Variants in PEBP4 observed in about 807,000 individuals in gnomAD.
PEBP4 encodes phosphatidylethanolamine binding protein 4.
A neutral mutation model predicts 23.9 loss-of-function variants in PEBP4; 22 were observed. That is an observed-to-expected ratio of 0.92 (90% CI 0.66 to 1.31). The LOEUF (loss-of-function observed/expected upper bound fraction) is 1.31. PEBP4 is among the 40% of genes most tolerant of loss of function. PEBP4 has a pLI of 0.00. For synonymous variants in PEBP4, 112 were observed against 99.3 expected (o/e 1.13, Z -0.76); for missense variants, 324 against 281.7 (o/e 1.15, Z -1.07).
chr8:22,801,138 G>A (rs1183026950), intron 4 of PEBP4, among the ~76,000 whole-genome samples: 5 of 152,148 alleles, frequency 3.3e-5, no homozygotes, highest in East Asian at 3.9e-4. Context: ...GCTGGGGAAC[G>A]ATTAACCCTG....
chr8:22,759,353 C>CTT (rs140035968), intron 4 of PEBP4, among the ~76,000 whole-genome samples: 14 of 146,186 alleles, frequency 9.6e-5, no homozygotes, highest in African/African-American at 1.0e-4. Context: ...GAAGGACAGC[C>CTT]TTTTTTTTTT....
At chr8:22,732,088 A>G (rs1162217651) in intron 4 of PEBP4, among the ~76,000 whole-genome samples, 1 of 152,116 alleles carries the variant, frequency 6.6e-6, no homozygotes, top group East Asian at 1.9e-4. Flanking sequence ...TGGGTTTTTC[A>G]GGAGAGCAGA....
upstream of PEBP4, among the ~76,000 whole-genome samples, chr8:22,928,341 AGGCCAGCTCCGAAG>A (rs535127710): frequency 4.5e-3 from 691 of 152,240 alleles, 3 homozygotes; most frequent in African/African-American, 0.016. Context: ...CCCCAGACCG[AGGCCAGCTCCGAAG>A]GGCCAGCTCC....
At chr8:22,806,155 T>A (rs536793068) in intron 4 of PEBP4, among the ~76,000 whole-genome samples, 9 of 152,212 alleles carry the variant, frequency 5.9e-5, no homozygotes, top group Non-Finnish European at 1.0e-4. Context: ...GTGCAACTGA[T>A]TTAGAACCTA....
intron 4 of PEBP4, among the ~76,000 whole-genome samples, chr8:22,805,211 C>T (rs1044118502): frequency 3.9e-5 from 6 of 152,184 alleles, no homozygotes; most frequent in Non-Finnish European, 8.8e-5. Context: ...GGATACACGT[C>T]GTGATGCATT....
At chr8:22,808,509 G>A (rs1262034039) in intron 4 of PEBP4, among the ~76,000 whole-genome samples, 1 of 152,226 alleles carries the variant, frequency 6.6e-6, no homozygotes, top group Non-Finnish European at 1.5e-5. Context: ...AGAGGGAAAA[G>A]AGACTCATAA....
At chr8:22,856,578 G>A (rs1048056720) in intron 3 of PEBP4, among the ~76,000 whole-genome samples, 32 of 152,270 alleles carry the variant, frequency 2.1e-4, no homozygotes, top group East Asian at 7.7e-4. Context: ...GTAGCCAGGC[G>A]TAGTGGTGCA....
At chr8:22,792,109 C>T (rs9314257) in intron 4 of PEBP4, among the ~76,000 whole-genome samples, 92,274 of 151,342 alleles carry the variant, frequency 0.61, 28,326 homozygotes, top group African/African-American at 0.65. Flanking sequence ...TCCACCTGCC[C>T]CAGCCTCCCA....
rs547209329 is a variant in PEBP4 at position 22,915,281 on chromosome 8, T to C, written c.258+4903A>G. Among the ~76,000 whole-genome samples the C allele has an allele frequency of 2.0e-5, 3 of 152,012 alleles. No individual in the cohort carries two copies. In the East Asian group the frequency reaches 5.8e-4, roughly 29 times the overall value. On this transcript the variant is annotated intron_variant, in intron 3 of 6. Coordinates refer to ENST00000256404, the MANE Select transcript of PEBP4 (RefSeq NM_144962.3). ...ACCAGCCTAAAAATCAAATGGTGAC[T>C]CTCCTCCCCCAGCCACCAGCCAAAC... is the stretch of plus-strand genomic sequence containing the variant.
At chr8:22,767,589 A>G (rs892518945) in intron 4 of PEBP4, among the ~76,000 whole-genome samples, 1 of 151,952 alleles carries the variant, frequency 6.6e-6, no homozygotes, top group Non-Finnish European at 1.5e-5. Flanking sequence ...TAAGAGTCCA[A>G]ATAATCTCAC....
chr8:22,839,479 T>G (rs528363179), intron 3 of PEBP4, among the ~76,000 whole-genome samples: 1 of 152,296 alleles, frequency 6.6e-6, no homozygotes. Context: ...ATTCTCCACA[T>G]GCAAAATGGG....
chr8:22,803,896 C>T (rs918408382), intron 4 of PEBP4, among the ~76,000 whole-genome samples: 2 of 152,188 alleles, frequency 1.3e-5, no homozygotes, highest in Non-Finnish European at 2.9e-5. Context: ...AACCTCACAA[C>T]GGGTTCTGAG....
intron 3 of PEBP4, among the ~76,000 whole-genome samples, chr8:22,822,335 A>C (rs1806876385): frequency 7.1e-6 from 1 of 140,790 alleles, no homozygotes; most frequent in Admixed American, 7.7e-5. Context: ...AGTAGGTGAA[A>C]AGAAGGAATA....
At chr8:22,908,833 T>A (rs930866274) in intron 3 of PEBP4, among the ~76,000 whole-genome samples, 1 of 152,236 alleles carries the variant, frequency 6.6e-6, no homozygotes, top group Non-Finnish European at 1.5e-5. Flanking sequence ...GCACGCTCAG[T>A]GCTGGGCCTT....
At position 22,714,638 on chromosome 8, in the gene PEBP4, A is replaced by G. The variant is rs576148828; in HGVS notation, c.518-1102T>C. Among the ~76,000 whole-genome samples, 277 of 152,152 alleles carry G rather than the reference A, an allele frequency of 1.8e-3. 2 individuals carry two copies. Among genetic ancestry groups the G allele is most frequent in the African/African-American group, 6.4e-3 (264 of 41,490 alleles). On this transcript the variant is annotated intron_variant, in intron 6 of 6. Coordinates refer to ENST00000256404, the MANE Select transcript of PEBP4 (RefSeq NM_144962.3). ...AGCAGAGCTAGGCAGTGGTCGATAC[A>G]CAGTGGATTAATGGAGACCAGTCAC...
Position 22,760,104 on chromosome 8 carries a change from T to C in PEBP4, c.358-32884A>G, listed in dbSNP as rs185686717. The stretch of plus-strand genomic sequence containing the variant: ...GGGACAAACATCGGTTGGGCACTTA[T>C]TACACCCTAAGCTTTGTGCTAGGCA... On this transcript the variant is annotated intron_variant, in intron 4 of 6. Transcript: ENST00000256404. Among the ~76,000 whole-genome samples, 424 of 152,330 alleles carry C rather than the reference T, an allele frequency of 2.8e-3. 14 individuals carry two copies. In the South Asian group the frequency reaches 0.057, roughly 20 times the overall value.
intron 1 of PEBP4, among the ~76,000 whole-genome samples, chr8:22,935,481 G>T (rs546017662): frequency 6.6e-6 from 1 of 152,154 alleles, no homozygotes; most frequent in Non-Finnish European, 1.5e-5. Flanking sequence ...AGCTGAGATC[G>T]CTCCACTGCA....
At chr8:22,849,562 G>T (rs773978403) in intron 3 of PEBP4, among the ~76,000 whole-genome samples, 1 of 152,162 alleles carries the variant, frequency 6.6e-6, no homozygotes, top group African/African-American at 2.4e-5. Flanking sequence ...TGACCCAGAC[G>T]GTGTTTCCGT....
At chr8:22,800,965 C>T (rs12544162) in intron 4 of PEBP4, among the ~76,000 whole-genome samples, 8,673 of 152,074 alleles carry the variant, frequency 0.057, 326 homozygotes, top group Admixed American at 0.097. Flanking sequence ...CCAATCCTAC[C>T]CACCTTCACG....
Sources: gnomAD v4.1 joint callset for allele counts (sites outside exome capture counted in the v4.1 genomes callset) on GRCh38, gnomAD v4.1.1 for gene constraint, MANE v1.5 for transcripts, NCBI Gene and HGNC (gene_info 2026-07-23, HGNC 2026-07-21) for gene names.